PCDH15: variants seen among roughly 807,000 people sequenced by gnomAD.
The protein encoded by PCDH15 is protocadherin-15.
PCDH15 carries 129 observed loss-of-function variants against 178.5 expected under a neutral mutation model. The observed-to-expected ratio is 0.72, with a 90% CI of 0.63 to 0.84. The LOEUF is 0.84. Ranked by LOEUF, PCDH15 falls within the 40% of genes least tolerant of loss-of-function variation. The pLI, the probability that PCDH15 is intolerant of heterozygous loss-of-function variation, is 0.00. For synonymous variants in PCDH15, 800 were observed against 732.0 expected (o/e 1.09, Z -1.50); for missense variants, 2,230 against 2,099.9 (o/e 1.06, Z -1.21).
intron 2 of PCDH15, among the ~76,000 whole-genome samples, chr10:55,043,620 G>C (rs941389270): frequency 1.3e-5 from 2 of 151,856 alleles, no homozygotes; most frequent in African/African-American, 4.8e-5. Context: ...TGAGGCGGGA[G>C]GTTCACTTGA....
chr10:55,322,483 G>T (rs146040285), upstream of PCDH15, among the ~76,000 whole-genome samples: 282 of 152,286 alleles, frequency 1.9e-3, 1 homozygote, highest in Middle Eastern at 3.4e-3. Flanking sequence ...CTCAGAAGAA[G>T]ATAGAAAAAT....
Position 53,804,666 on chromosome 10 carries a change from A to C in PCDH15, c.*1913T>G, listed in dbSNP as rs1437111521. On this transcript the variant is annotated 3_prime_UTR_variant, in exon 38 of 38. Transcript: ENST00000644397. The stretch of plus-strand genomic sequence containing the variant: ...TGAGATGATCTGGGGGTATCAAGAT[A>C]ATATTAAATTATATTCGATGACCTC... 2.0e-5 allele frequency: 3 copies of C among 152,040 alleles called. No individual in the cohort carries two copies. Among genetic ancestry groups the C allele is most frequent in the African/African-American group, 7.2e-5 (3 of 41,444 alleles). The allele number at this position is 152,040 out of a possible 1,614,324, so 9.4% of individuals were successfully genotyped here.
chr10:53,979,152 T>C (rs2090424005), intron 21 of PCDH15, among the ~76,000 whole-genome samples: 1 of 152,204 alleles, frequency 6.6e-6, no homozygotes, highest in Admixed American at 6.5e-5. Context: ...ACATACCAGA[T>C]ACTTGGTAAT....
At chr10:54,294,787 A>C (rs1035314847) in intron 8 of PCDH15, among the ~76,000 whole-genome samples, 5 of 152,238 alleles carry the variant, frequency 3.3e-5, no homozygotes, top group Non-Finnish European at 7.3e-5. Context: ...ATTTTGACAC[A>C]TTAAAAAGTA....
At chr10:55,559,339 T>C (rs1176853160) in intron 2 of PCDH15, among the ~76,000 whole-genome samples, 1 of 151,802 alleles carries the variant, frequency 6.6e-6, no homozygotes, top group Non-Finnish European at 1.5e-5. Context: ...ACAACTTTTG[T>C]TACATTAATA....
At chr10:53,861,617 A>T (rs542325578) in intron 27 of PCDH15, among the ~76,000 whole-genome samples, 1 of 152,346 alleles carries the variant, frequency 6.6e-6, no homozygotes, top group Non-Finnish European at 1.5e-5. Context: ...AGATAAAAAT[A>T]ATAAGATTAA....
intron 8 of PCDH15, among the ~76,000 whole-genome samples, chr10:54,258,096 G>T (rs1487404715): frequency 6.6e-6 from 1 of 152,018 alleles, no homozygotes; most frequent in East Asian, 1.9e-4. Flanking sequence ...ATCATCCTCT[G>T]TGCTTGATTT....
At chr10:55,235,252 T>G (rs550896986) in intron 1 of PCDH15, among the ~76,000 whole-genome samples, 2 of 152,124 alleles carry the variant, frequency 1.3e-5, no homozygotes, top group Non-Finnish European at 2.9e-5. Context: ...AAATTTATGT[T>G]ACCAGTTAGA....
chr10:55,410,961 C>G (rs952490453), intron 2 of PCDH15, among the ~76,000 whole-genome samples: 1 of 151,456 alleles, frequency 6.6e-6, no homozygotes, highest in Non-Finnish European at 1.5e-5. Context: ...TGTGCCTTTA[C>G]TGAAAAAAAA....
chr10:54,661,473 C>T (rs1043598945), intron 2 of PCDH15, among the ~76,000 whole-genome samples: 2 of 151,876 alleles, frequency 1.3e-5, no homozygotes, highest in African/African-American at 2.4e-5. Context: ...AATGACTGTA[C>T]TGCCCAAAGC....
chr10:55,208,095 C>T lies in PCDH15; in HGVS notation c.-155-41444G>A, dbSNP rs910168281. Among the ~76,000 whole-genome samples the T allele has an allele frequency of 3.3e-5, 5 of 152,080 alleles. No individual in the cohort carries two copies. The East Asian group carries it at 7.7e-4, about 23-fold the overall frequency. On this transcript the variant is annotated intron_variant, in intron 1 of 5. Transcript: ENST00000458638. ...TAATTTCACAGTATTCTTTTGCTTA[C>T]TTTCTTGGCAGAGATGTAAAAACAT...
intron 3 of PCDH15, among the ~76,000 whole-genome samples, chr10:54,395,923 G>T (rs769774902): frequency 6.6e-6 from 1 of 152,198 alleles, no homozygotes; most frequent in East Asian, 1.9e-4. Context: ...TTGAAGAAAA[G>T]GCTCTTGCTG....
At chr10:53,952,986 G>A (rs535122529) in intron 23 of PCDH15, among the ~76,000 whole-genome samples, 17 of 152,344 alleles carry the variant, frequency 1.1e-4, no homozygotes, top group Middle Eastern at 3.4e-3. Flanking sequence ...CAGGAGGGGG[G>A]CCCAGGTCCA....
chr10:55,043,934 A>G (rs1840933186), intron 2 of PCDH15, among the ~76,000 whole-genome samples: 1 of 152,020 alleles, frequency 6.6e-6, no homozygotes, highest in African/African-American at 2.4e-5. Flanking sequence ...GATACATCAA[A>G]GATTGAACGG....
At chr10:54,302,106 A>G (rs982588465) in intron 8 of PCDH15, among the ~76,000 whole-genome samples, 1 of 152,192 alleles carries the variant, frequency 6.6e-6, no homozygotes, top group Non-Finnish European at 1.5e-5. Flanking sequence ...AATATATTTA[A>G]CTGCATAGAT....
chr10:55,310,605 A>T (rs1037294254), intron 1 of PCDH15, among the ~76,000 whole-genome samples: 7 of 152,240 alleles, frequency 4.6e-5, no homozygotes, highest in African/African-American at 1.7e-4. Context: ...ATATGGATAG[A>T]CTATTAGCTT....
intron 21 of PCDH15, among the ~76,000 whole-genome samples, chr10:53,992,378 T>G (rs1160667772): frequency 6.6e-6 from 1 of 152,156 alleles, no homozygotes; most frequent in African/African-American, 2.4e-5. Context: ...ACCCACCAGT[T>G]TCGGAGACAA....
At position 55,046,401 on chromosome 10, in the gene PCDH15, C is replaced by A. The variant is rs150602405; in HGVS notation, c.-80+120175G>T. Among the ~76,000 whole-genome samples the A allele has an allele frequency of 5.8e-4, 88 of 152,114 alleles. 2 individuals carry two copies. In the East Asian group the frequency reaches 0.015, roughly 26 times the overall value. On this transcript the variant is annotated intron_variant, in intron 2 of 5. Transcript: ENST00000458638. ...TATAGATTAAAAAGGTAATAAAAAT[C>A]TCTTTTAACTGGCCTGTAAGGCTTT...
At chr10:54,741,976 C>T (rs1490349961) in intron 1 of PCDH15, among the ~76,000 whole-genome samples, 1 of 152,014 alleles carries the variant, frequency 6.6e-6, no homozygotes, top group Non-Finnish European at 1.5e-5. Flanking sequence ...ACATTAACAC[C>T]TTTGAGTGGC....
Sources: allele counts gnomAD v4.1 joint callset (sites outside exome capture counted in the v4.1 genomes callset), GRCh38; gene constraint gnomAD v4.1.1; transcripts MANE v1.5; gene names NCBI Gene and HGNC (gene_info 2026-07-23, HGNC 2026-07-21).